Variants in PRKCE observed in about 807,000 individuals in gnomAD.
PRKCE encodes the protein protein kinase C epsilon.
A neutral mutation model predicts 85.4 loss-of-function variants in PRKCE; 16 were observed. That is an observed-to-expected ratio of 0.19 (90% CI 0.13 to 0.28). PRKCE has a LOEUF of 0.28. PRKCE is among the 10% of genes least tolerant of loss of function. PRKCE has a pLI of 1.00. For missense variants in PRKCE, 573 were observed against 975.2 expected (o/e 0.59, Z 5.49); for synonymous variants, 388 against 371.5 (o/e 1.04, Z -0.51).
intron 1 of PRKCE, among the ~76,000 whole-genome samples, chr2:45,811,408 T>G (rs12465186): frequency 0.083 from 12,599 of 152,272 alleles, 518 homozygotes; most frequent in Middle Eastern, 0.18. Flanking sequence ...AGAGTACTGT[T>G]TGAGCTGGAA....
chr2:45,788,524 G>GA, intron 1 of PRKCE, among the ~76,000 whole-genome samples: 1 of 152,174 alleles, frequency 6.6e-6, no homozygotes, highest in East Asian at 1.9e-4. Flanking sequence ...GCAATCAGGG[G>GA]GCCTGCTTCT....
At chr2:46,169,265 A>T (rs1371105518) in intron 14 of PRKCE, among the ~76,000 whole-genome samples, 1 of 152,206 alleles carries the variant, frequency 6.6e-6, no homozygotes, top group Non-Finnish European at 1.5e-5. Context: ...TAACAGAATT[A>T]GGTTTGGCCT....
chr2:45,976,157 G>A (rs1318668419), intron 2 of PRKCE, among the ~76,000 whole-genome samples: 4 of 152,206 alleles, frequency 2.6e-5, no homozygotes, highest in Non-Finnish European at 4.4e-5. Flanking sequence ...GGAGGAAAGG[G>A]CAGCCAGCCC....
chr2:45,836,197 G>A (rs1018325593), intron 1 of PRKCE, among the ~76,000 whole-genome samples: 1 of 152,216 alleles, frequency 6.6e-6, no homozygotes, highest in Non-Finnish European at 1.5e-5. Flanking sequence ...GTCCTGCTTT[G>A]CAGGGATGTA....
At chr2:46,109,691 A>C (rs946681277) in intron 11 of PRKCE, among the ~76,000 whole-genome samples, 1 of 151,778 alleles carries the variant, frequency 6.6e-6, no homozygotes, top group Non-Finnish European at 1.5e-5. Flanking sequence ...CACACCTTTT[A>C]TTTTCTTTTC....
At chr2:45,945,635 T>G (rs372961895) in intron 2 of PRKCE, among the ~76,000 whole-genome samples, 1 of 152,198 alleles carries the variant, frequency 6.6e-6, no homozygotes, top group East Asian at 1.9e-4. Flanking sequence ...CCATACTAAG[T>G]GCTTTCCATG....
chr2:46,118,659 C>T (rs551639720), intron 11 of PRKCE, among the ~76,000 whole-genome samples: 2 of 152,234 alleles, frequency 1.3e-5, no homozygotes, highest in African/African-American at 4.8e-5. Flanking sequence ...GAATACAGAG[C>T]ATGAAGAAAT....
intron 2 of PRKCE, among the ~76,000 whole-genome samples, chr2:45,969,318 G>T (rs1182103245): frequency 6.6e-6 from 1 of 152,130 alleles, no homozygotes; most frequent in African/African-American, 2.4e-5. Flanking sequence ...TCTGCAGTGA[G>T]GCAGATGCAG....
intron 2 of PRKCE, among the ~76,000 whole-genome samples, chr2:45,951,181 A>C (rs1039071553): frequency 6.6e-6 from 1 of 152,308 alleles, no homozygotes; most frequent in Non-Finnish European, 1.5e-5. Context: ...TTCAAGCCTC[A>C]CCCAGTGGAA....
At chr2:46,153,037 CCT>C (rs1676801524) in intron 13 of PRKCE, among the ~76,000 whole-genome samples, 1 of 152,084 alleles carries the variant, frequency 6.6e-6, no homozygotes, top group African/African-American at 2.4e-5. Flanking sequence ...TACTCTCCTC[CCT>C]CTCTCTTTCA....
In PRKCE at chr2:45,884,995, A is replaced by ATTTTTTT. The variant is rs1210402363; in HGVS notation, c.412+41933_412+41934insTTTTTTT. 1.3e-3 allele frequency among the ~76,000 whole-genome samples: 91 copies of ATTTTTTT among 70,248 alleles called. 5 individuals carry two copies. The highest frequency in any genetic ancestry group is 8.4e-3 in the East Asian group (14 of 1,662). The allele number at this position is 70,248 out of a possible 152,430, so 46.1% of individuals were successfully genotyped here. ...TATATATATATATATATATATATAT[A>ATTTTTTT]TATATATTTGTTGTTGTTGTTGTTG... On this transcript the variant is annotated intron_variant, in intron 2 of 14. Coordinates refer to ENST00000306156, the MANE Select transcript of PRKCE (RefSeq NM_005400.3).
intron 2 of PRKCE, among the ~76,000 whole-genome samples, chr2:45,932,289 G>A (rs1368855682): frequency 2.0e-5 from 3 of 152,220 alleles, no homozygotes; most frequent in Non-Finnish European, 4.4e-5. Context: ...CTAGTCCATT[G>A]TGGGAATATA....
At position 46,068,151 on chromosome 2, in the gene PRKCE, G is replaced by A. The variant is rs570627316; in HGVS notation, c.1438-18057G>A. On this transcript the variant is annotated intron_variant, in intron 10 of 14. Coordinates refer to ENST00000306156, the MANE Select transcript of PRKCE (RefSeq NM_005400.3). This position sits in a 1 kb window ranked among gnomAD's most constrained non-coding sequence, Gnocchi z 4.3. ...CTCCCTTTGAGATTCTTAACAGAGG[G>A]TCATGAATTAGTATAAACCTTAGCT... 3.9e-5 allele frequency among the ~76,000 whole-genome samples: 6 copies of A among 152,214 alleles called. No individual in the cohort carries two copies. Among genetic ancestry groups the A allele is most frequent in the African/African-American group, 1.4e-4 (6 of 41,518 alleles).
chr2:46,174,960 G>A (rs1558529825), intron 14 of PRKCE, among the ~76,000 whole-genome samples: 1 of 152,060 alleles, frequency 6.6e-6, no homozygotes, highest in South Asian at 2.1e-4. Context: ...AGAAGTGCTG[G>A]GATTACAGGC....
At chr2:45,963,975 C>G (rs903092527) in intron 2 of PRKCE, among the ~76,000 whole-genome samples, 8 of 152,134 alleles carry the variant, frequency 5.3e-5, no homozygotes, top group African/African-American at 1.9e-4. Flanking sequence ...CTTGTGACGT[C>G]GAAGGGTGTG....
chr2:46,152,322 C>CA (rs1457590514), intron 13 of PRKCE, among the ~76,000 whole-genome samples: 1 of 151,788 alleles, frequency 6.6e-6, no homozygotes, highest in Non-Finnish European at 1.5e-5. Flanking sequence ...GCTGGGATTA[C>CA]AGGCACCCGC....
intron 14 of PRKCE, among the ~76,000 whole-genome samples, chr2:46,173,480 A>C (rs1428933775): frequency 6.6e-6 from 1 of 152,268 alleles, no homozygotes. Flanking sequence ...ATTTAGACAT[A>C]GAAGCAGCAT....
At chr2:46,053,179 C>G (rs1336124401) in intron 10 of PRKCE, among the ~76,000 whole-genome samples, 1 of 152,196 alleles carries the variant, frequency 6.6e-6, no homozygotes, top group Non-Finnish European at 1.5e-5. Context: ...AAGCCCCACT[C>G]TGGGGAGAAA....
intron 1 of PRKCE, among the ~76,000 whole-genome samples, chr2:45,710,848 G>A (rs1182032750): frequency 2.0e-5 from 3 of 152,232 alleles, no homozygotes; most frequent in Non-Finnish European, 2.9e-5. Context: ...GTGTTTTACT[G>A]CCTGGCAGGC....
Sources: gnomAD v4.1 joint callset for allele counts (sites outside exome capture counted in the v4.1 genomes callset) on GRCh38, gnomAD v4.1.1 for gene constraint, Gnocchi (gnomAD v3.1) non-coding constraint, MANE v1.5 for transcripts, NCBI Gene and HGNC (gene_info 2026-07-23, HGNC 2026-07-21) for gene names.